Variants in TMEM266 observed in about 807,000 individuals in gnomAD.
TMEM266 encodes Hv1 related protein 1.
In TMEM266, 33 loss-of-function variants were observed where a neutral mutation model predicts 50.5. That is an observed-to-expected ratio of 0.65 (90% CI 0.50 to 0.87). TMEM266 has a LOEUF of 0.87. TMEM266 is among the 40% of genes least tolerant of loss of function. TMEM266 has a pLI of 0.00. For missense variants in TMEM266, 655 were observed against 695.1 expected, an observed-to-expected ratio of 0.94 and a Z score of 0.65; for synonymous variants, 310 against 292.3, an observed-to-expected ratio of 1.06 and a Z score of -0.62.
intron 1 of TMEM266, among the ~76,000 whole-genome samples, chr15:76,069,015 C>G (rs888631826): frequency 3.3e-5 from 5 of 152,224 alleles, no homozygotes; most frequent in African/African-American, 1.2e-4. Flanking sequence ...TTTATCATCT[C>G]TAGAACCTAC....
At chr15:76,122,594 T>G (rs1220950596) in intron 1 of TMEM266, among the ~76,000 whole-genome samples, 1 of 152,214 alleles carries the variant, frequency 6.6e-6, no homozygotes, top group Non-Finnish European at 1.5e-5. Context: ...TGCAAAGTGT[T>G]TGAAAGGTGG....
intron 1 of TMEM266, among the ~76,000 whole-genome samples, chr15:76,089,510 T>C (rs2036821176): frequency 6.6e-6 from 1 of 152,082 alleles, no homozygotes; most frequent in Admixed American, 6.6e-5. Flanking sequence ...TTCTTATAGC[T>C]GAATTGTAGA....
At chr15:76,191,922 G>C (rs774511644) in intron 8 of TMEM266, 46 bp from the exon 9 acceptor site, 3 of 1,508,030 alleles carry the variant, frequency 2.0e-6, no homozygotes, top group Non-Finnish European at 2.6e-6. Context: ...GGAGGCCCCC[G>C]CCGGCCCCTC....
chr15:76,196,633 A>G (rs1421040558), intron 9 of TMEM266, among the ~76,000 whole-genome samples: 2 of 152,024 alleles, frequency 1.3e-5, no homozygotes, highest in Non-Finnish European at 2.9e-5. Context: ...CACAGGACAC[A>G]GACAATCCAG....
intron 1 of TMEM266, among the ~76,000 whole-genome samples, chr15:76,117,961 A>T (rs2037276018): frequency 6.6e-6 from 1 of 152,194 alleles, no homozygotes; most frequent in Non-Finnish European, 1.5e-5. Flanking sequence ...TGCATTTTAA[A>T]CATGCTCTCC....
In TMEM266 at chr15:76,088,149, G is replaced by A. The variant is rs139311749; in HGVS notation, c.-97+28133G>A. ...CCTCTTTTCTTCCTCAACATCCACT[G>A]AAGTGTCTTCTAGTGGTTAGACCTA... On this transcript the variant is annotated intron_variant, in intron 1 of 10. Transcript: ENST00000388942. Among the ~76,000 whole-genome samples the A allele has an allele frequency of 7.2e-5, 11 of 152,262 alleles. No individual in the cohort carries two copies. In the East Asian group the frequency reaches 2.1e-3, roughly 29 times the overall value.
At chr15:76,175,427 C>A in intron 7 of TMEM266, 132 bp from the exon 8 acceptor site, 1 of 660,018 alleles carries the variant, frequency 1.5e-6, no homozygotes, top group South Asian at 1.8e-5. Flanking sequence ...GGTACCTGGA[C>A]ATTTCCCCTT....
chr15:76,157,332 G>A (rs1596140792), intron 4 of TMEM266, among the ~76,000 whole-genome samples: 1 of 152,206 alleles, frequency 6.6e-6, no homozygotes, highest in African/African-American at 2.4e-5. Context: ...TATTATAGAC[G>A]AGGCAAATTA....
chr15:76,096,330 A>G (rs2036920192), intron 1 of TMEM266, among the ~76,000 whole-genome samples: 1 of 152,078 alleles, frequency 6.6e-6, no homozygotes, highest in African/African-American at 2.4e-5. Context: ...CATTGGTTTC[A>G]AATAACATCT....
intron 8 of TMEM266, among the ~76,000 whole-genome samples, chr15:76,183,012 A>G (rs1159099381): frequency 6.7e-6 from 1 of 150,014 alleles, no homozygotes; most frequent in African/African-American, 2.5e-5. Context: ...CACTCTCATC[A>G]TACTCCAATG....
chr15:76,103,570 C>T (rs547026757), intron 1 of TMEM266, among the ~76,000 whole-genome samples: 30 of 152,094 alleles, frequency 2.0e-4, no homozygotes, highest in African/African-American at 5.8e-4. Context: ...AGATGTCTGG[C>T]GGGAGTTGGA....
chr15:76,072,153 G>A lies in TMEM266; in HGVS notation c.-97+12137G>A, dbSNP rs568686507. Among the ~76,000 whole-genome samples, 13 of 152,068 alleles carry A rather than the reference G, an allele frequency of 8.5e-5. No individual in the cohort carries two copies. The South Asian group carries it at 2.7e-3, about 32-fold the overall frequency. On this transcript the variant is annotated intron_variant, in intron 1 of 10. Coordinates refer to ENST00000388942, the MANE Select transcript of TMEM266 (RefSeq NM_152335.3). ...TTCCAAGTTTTGAAAAGAAGCACTG[G>A]ACCGGCCGGGTGCGGTGGCTCATAC...
chr15:76,141,753 C>T (rs776689050), intron 3 of TMEM266, among the ~76,000 whole-genome samples: 48 of 152,314 alleles, frequency 3.2e-4, no homozygotes, highest in Non-Finnish European at 6.3e-4. Context: ...TCCCCCACTC[C>T]TCCAGCCACT....
chr15:76,137,283 A>C (rs2037605477), intron 2 of TMEM266, among the ~76,000 whole-genome samples: 1 of 152,310 alleles, frequency 6.6e-6, no homozygotes, highest in Non-Finnish European at 1.5e-5. Flanking sequence ...GAATAGAAAC[A>C]TTTCAAAACA....
At chr15:76,178,327 C>G (rs904564644) in intron 8 of TMEM266, among the ~76,000 whole-genome samples, 7 of 152,066 alleles carry the variant, frequency 4.6e-5, no homozygotes, top group Admixed American at 2.0e-4. Flanking sequence ...GCAGAGGGGG[C>G]TGCAGGGAAG....
At chr15:76,159,793 T>C (rs1179966477) in intron 4 of TMEM266, among the ~76,000 whole-genome samples, 2 of 152,060 alleles carry the variant, frequency 1.3e-5, no homozygotes, top group Non-Finnish European at 2.9e-5. Flanking sequence ...AGACTCTGGC[T>C]ACAGCCAAAA....
Position 76,175,900 on chromosome 15 carries a change from G to T in TMEM266, c.768+226G>T, listed in dbSNP as rs972682110. The T allele has an allele frequency of 6.4e-5, 29 of 455,970 alleles. No homozygotes were observed. The Middle Eastern group carries it at 1.9e-3, about 29-fold the overall frequency. 28.2% of individuals were successfully genotyped at this position (455,970 alleles called of 1,614,324 possible). On this transcript the variant is annotated intron_variant, in intron 8 of 10. Transcript: ENST00000388942. ...ACTCAACCCTGACTCCCAGGCCAGG[G>T]TTCTTTCCACTGTAGCACGGTGACT...
intron 8 of TMEM266, chr15:76,175,960 C>G: frequency 3.3e-6 from 1 of 304,140 alleles, no homozygotes; most frequent in East Asian, 8.1e-5. Context: ...CCAAGTCGCC[C>G]CCTCAGTTCA....
chr15:76,122,208 G>A (rs2037357267), intron 1 of TMEM266, among the ~76,000 whole-genome samples: 1 of 152,232 alleles, frequency 6.6e-6, no homozygotes, highest in Non-Finnish European at 1.5e-5. Flanking sequence ...CTGTCATGAT[G>A]ATGGGAAAGG....
Sources: allele counts gnomAD v4.1 joint callset (sites outside exome capture counted in the v4.1 genomes callset), GRCh38; gene constraint gnomAD v4.1.1; transcripts MANE v1.5; gene names NCBI Gene and HGNC (gene_info 2026-07-23, HGNC 2026-07-21).